TUSC3: variants seen among roughly 807,000 people sequenced by gnomAD.
TUSC3 encodes the protein tumor suppressor candidate 3.
In TUSC3, 45 loss-of-function variants were observed where a neutral mutation model predicts 44.8. The observed-to-expected ratio is 1.00, with a 90% CI of 0.79 to 1.29. The LOEUF is 1.29. Among genes scored for constraint, TUSC3 ranks in the 50% most tolerant of loss-of-function variants. The probability of loss-of-function intolerance (pLI) is 0.00; values close to 1 mark genes in which losing one functional copy is unlikely to be tolerated. For missense variants in TUSC3, 519 were observed against 437.9 expected (o/e 1.19, Z -1.65); for synonymous variants, 212 against 152.9 (o/e 1.39, Z -2.85).
intron 7 of TUSC3, among the ~76,000 whole-genome samples, chr8:15,741,993 G>T (rs751099314): frequency 1.3e-5 from 2 of 152,088 alleles, no homozygotes; most frequent in Non-Finnish European, 2.9e-5. Context: ...CATGTCTGTG[G>T]ATTCGGGGTA....
chr8:15,805,676 A>G, the TUSC3 span, among the ~76,000 whole-genome samples: 1 of 152,176 alleles, frequency 6.6e-6, no homozygotes, highest in South Asian at 2.1e-4. Flanking sequence ...AGTGAAGCCT[A>G]CTTGATCATG....
At chr8:15,724,543 A>C (rs1417020503) in intron 6 of TUSC3, among the ~76,000 whole-genome samples, 1 of 152,182 alleles carries the variant, frequency 6.6e-6, no homozygotes, top group Admixed American at 6.5e-5. Flanking sequence ...TTTCGTTTTT[A>C]GGTTGACAGT....
rs1048659603 is a variant in TUSC3 at position 15,659,712 on chromosome 8, A to G, written c.567+65A>G. 6 of 1,588,442 alleles carry G rather than the reference A, an allele frequency of 3.8e-6. No individual in the cohort carries two copies. The highest frequency in any genetic ancestry group is 2.2e-5 in the East Asian group (1 of 44,690). ...TAGTTTGTTTTTATGGAGCATTTTA[A>G]TAAGGCCACAGTAATACTTTTTAAT... On this transcript the variant is annotated intron_variant, in intron 4 of 10. Coordinates refer to ENST00000503731, the MANE Select transcript of TUSC3 (RefSeq NM_006765.4).
chr8:15,708,941 T>C (rs1046691813), intron 6 of TUSC3, among the ~76,000 whole-genome samples: 3 of 151,934 alleles, frequency 2.0e-5, no homozygotes, highest in Admixed American at 2.0e-4. Flanking sequence ...TTATGTAAAG[T>C]AAATTAACAA....
At chr8:15,453,756 C>T (rs533901863) in intron 1 of TUSC3, among the ~76,000 whole-genome samples, 5 of 152,224 alleles carry the variant, frequency 3.3e-5, no homozygotes, top group African/African-American at 4.8e-5. Context: ...CAGAGCAGGG[C>T]GGGAGAGGGC....
chr8:15,788,733 G>A, the TUSC3 span, among the ~76,000 whole-genome samples: 1 of 152,200 alleles, frequency 6.6e-6, no homozygotes, highest in East Asian at 1.9e-4. Flanking sequence ...CAAACAGAAT[G>A]TGCCAAGAAT....
the TUSC3 span, among the ~76,000 whole-genome samples, chr8:15,847,356 C>T: frequency 6.6e-6 from 1 of 152,110 alleles, no homozygotes. Context: ...TACATGATTC[C>T]TCTCATAGCC....
chr8:15,547,921 T>G, intron 1 of TUSC3, among the ~76,000 whole-genome samples: 1 of 151,942 alleles, frequency 6.6e-6, no homozygotes. Flanking sequence ...TAATAATAAA[T>G]ATACCAGTAA....
the TUSC3 span, among the ~76,000 whole-genome samples, chr8:15,848,410 T>G: frequency 9.9e-5 from 15 of 152,176 alleles, no homozygotes; most frequent in Non-Finnish European, 1.5e-5. Flanking sequence ...TGTCTTTCCA[T>G]GCTTTAGACC....
chr8:15,845,185 G>A, the TUSC3 span, among the ~76,000 whole-genome samples: 16 of 152,204 alleles, frequency 1.1e-4, no homozygotes, highest in African/African-American at 3.6e-4. Context: ...CGGATAAAGC[G>A]TTGCTGTAGT....
At position 15,765,555 on chromosome 8, in the gene TUSC3, A is replaced by C. The variant is rs1812304443; in HGVS notation, c.*1399A>C. ...AAAGGCCTACTGGGGCATGTTTATC[A>C]AGTTATATCCCAGGGCAATGTGTAT... is the stretch of plus-strand genomic sequence containing the variant. On this transcript the variant is annotated 3_prime_UTR_variant, in exon 11 of 11. Coordinates refer to ENST00000503731, the MANE Select transcript of TUSC3 (RefSeq NM_006765.4). The C allele has an allele frequency of 6.6e-6, 1 of 152,026 alleles. No individual in the cohort carries two copies. The highest frequency in any genetic ancestry group is 1.5e-5 in the Non-Finnish European group (1 of 67,942). The allele number at this position is 152,026 out of a possible 1,614,324, so 9.4% of individuals were successfully genotyped here.
At chr8:15,604,469 C>G (rs1437052418) in intron 1 of TUSC3, among the ~76,000 whole-genome samples, 1 of 151,380 alleles carries the variant, frequency 6.6e-6, no homozygotes, top group African/African-American at 2.4e-5. Flanking sequence ...TAAAATAGTT[C>G]CCCAAATTCT....
Position 15,522,200 on chromosome 8 carries a change from A to G in TUSC3, n.189+38717A>G, listed in dbSNP as rs553450641. On this transcript the variant is annotated intron_variant and non_coding_transcript_variant, in intron 2 of 5. Coordinates refer to the TUSC3 transcript ENST00000503191. ...GCTGTTCCACCACAAGTCATGGGTA[A>G]GTGCTAGTAAGTCAATAAATAGTAT... is the stretch of plus-strand genomic sequence containing the variant. 4.1e-4 allele frequency among the ~76,000 whole-genome samples: 62 copies of G among 151,858 alleles called. 2 individuals carry two copies. In the South Asian group the frequency reaches 0.012, roughly 29 times the overall value.
chr8:15,669,126 A>G lies in TUSC3; in HGVS notation c.709-4621A>G, dbSNP rs79208305. On this transcript the variant is annotated intron_variant, in intron 5 of 10. Transcript: ENST00000503731. ...ATGGCTCAGTACATTCCCCAATTAG[A>G]TTAGGGTGATAACACATCACTATTA... Among the ~76,000 whole-genome samples the G allele has an allele frequency of 5.5e-3, 841 of 151,868 alleles. 8 individuals carry two copies. The highest frequency in any genetic ancestry group is 0.019 in the African/African-American group (799 of 41,470).
At chr8:15,574,000 C>G (rs1305188326) in intron 1 of TUSC3, among the ~76,000 whole-genome samples, 1 of 152,140 alleles carries the variant, frequency 6.6e-6, no homozygotes, top group African/African-American at 2.4e-5. Context: ...TAGGCACTTC[C>G]ATACCATTTT....
chr8:15,555,276 ATTT>A (rs35757466), intron 1 of TUSC3, among the ~76,000 whole-genome samples: 7 of 44,888 alleles, frequency 1.6e-4, no homozygotes, highest in East Asian at 1.7e-3. Flanking sequence ...TGCCAGGCTA[ATTT>A]TTTTTTTTTT....
intron 1 of TUSC3, among the ~76,000 whole-genome samples, chr8:15,617,008 C>T (rs1478095885): frequency 6.6e-6 from 1 of 151,764 alleles, no homozygotes; most frequent in African/African-American, 2.4e-5. Context: ...TTCCGGCTAG[C>T]GAAGTGGCTT....
intron 2 of TUSC3, among the ~76,000 whole-genome samples, chr8:15,632,738 T>A (rs899666316): frequency 2.0e-5 from 3 of 152,226 alleles, no homozygotes; most frequent in Non-Finnish European, 4.4e-5. Context: ...TTTGCCAACC[T>A]CACTTACCTT....
intron 2 of TUSC3, among the ~76,000 whole-genome samples, chr8:15,490,888 T>A (rs1800799697): frequency 6.6e-6 from 1 of 152,132 alleles, no homozygotes; most frequent in Non-Finnish European, 1.5e-5. Flanking sequence ...TTTCCAAGGT[T>A]AAGGACACAC....
Sources: gnomAD v4.1 joint callset for allele counts (sites outside exome capture counted in the v4.1 genomes callset) on GRCh38, gnomAD v4.1.1 for gene constraint, MANE v1.5 for transcripts, NCBI Gene and HGNC (gene_info 2026-07-23, HGNC 2026-07-21) for gene names.